Variants in MITD1 observed in about 807,000 individuals in gnomAD.
MITD1 encodes the protein microtubule interacting and trafficking domain containing 1.
Under a neutral mutation model 34.9 loss-of-function variants are expected in MITD1, and 24 were observed. That is an observed-to-expected ratio of 0.69 (90% CI 0.50 to 0.97). MITD1 has a LOEUF of 0.97. Ranked by LOEUF, MITD1 falls within the 50% of genes least tolerant of loss-of-function variation. The pLI is 0.00. For missense variants in MITD1, 266 were observed against 294.6 expected, an observed-to-expected ratio of 0.90 and a Z score of 0.71; for synonymous variants, 102 against 101.4, an observed-to-expected ratio of 1.01 and a Z score of -0.04.
rs2093844453 is a variant in MITD1 at position 99,169,605 on chromosome 2, T to C, written c.599A>G (p.Asn200Ser). 6.3e-7 allele frequency: 1 copy of C among 1,599,750 alleles called. No homozygotes were observed. Among genetic ancestry groups the C allele is most frequent in the Admixed American group, 1.7e-5 (1 of 60,006 alleles). ...TCCAATCTTAATCATCCATCCATTG[T>C]TGAACCTGTTGAAATTAGTATATAG... is the stretch of plus-strand genomic sequence containing the variant. ...SSIHDREIRF[N>S]NGWMIKIGRG... The change falls in exon 6 of 7, where the codon AAC (asparagine) becomes AGC (serine). Residue 200 changes from asparagine to serine, a missense_variant. Asn to Ser is a conservative substitution (Grantham distance 46, BLOSUM62 1). Coordinates refer to ENST00000289359, the MANE Select transcript of MITD1 (RefSeq NM_138798.3).
chr2:99,163,372 G>A (rs568649709), intron 7 of MITD1, among the ~76,000 whole-genome samples: 1 of 151,882 alleles, frequency 6.6e-6, no homozygotes, highest in Non-Finnish European at 1.5e-5. Context: ...CTCTCACCCA[G>A]GCTGGAGTGC....
downstream of MITD1, among the ~76,000 whole-genome samples, chr2:99,165,897 G>T (rs1208297043): frequency 6.6e-6 from 1 of 152,184 alleles, no homozygotes; most frequent in Non-Finnish European, 1.5e-5. Context: ...AATTTCTGGG[G>T]TAATGAAGGC....
intron 7 of MITD1, chr2:99,163,061 A>T (rs1370790146): frequency 6.4e-7 from 1 of 1,554,620 alleles, no homozygotes; most frequent in African/African-American, 1.4e-5. Context: ...TCTGTGAAAA[A>T]ATTAAGGGAA....
At chr2:99,179,911 C>T (rs999709172) in intron 1 of MITD1, among the ~76,000 whole-genome samples, 1 of 152,100 alleles carries the variant, frequency 6.6e-6, no homozygotes, top group Non-Finnish European at 1.5e-5. Flanking sequence ...AAAGGGCTCC[C>T]CTCTGCTGCC....
intron 2 of MITD1, 129 bp from the exon 3 acceptor site, chr2:99,171,775 T>TTTGC: frequency 2.4e-6 from 2 of 823,054 alleles, no homozygotes; most frequent in Non-Finnish European, 3.8e-6. Flanking sequence ...CAAATACTTA[T>TTTGC]TGAATGCCTA....
intron 7 of MITD1, chr2:99,162,669 T>C: frequency 3.1e-6 from 5 of 1,614,108 alleles, no homozygotes; most frequent in Non-Finnish European, 4.2e-6. Flanking sequence ...GTATGCTGCT[T>C]ATCATCAAAT....
downstream of MITD1, among the ~76,000 whole-genome samples, chr2:99,164,850 C>T (rs1291777521): frequency 7.0e-6 from 1 of 142,808 alleles, no homozygotes; most frequent in African/African-American, 2.5e-5. Flanking sequence ...CCATGTTTCT[C>T]CAGAGAGAGG....
chr2:99,166,858 A>AATATATATATATATATATATAT (rs10584187), downstream of MITD1, among the ~76,000 whole-genome samples: 24 of 115,394 alleles, frequency 2.1e-4, no homozygotes, highest in South Asian at 2.8e-4. Flanking sequence ...TGGGGTTTTA[A>AATATATATATATATATATATAT]ATATATATAT....
chr2:99,180,002 G>C (rs971757253), intron 1 of MITD1, among the ~76,000 whole-genome samples: 1 of 152,106 alleles, frequency 6.6e-6, no homozygotes, highest in Non-Finnish European at 1.5e-5. Context: ...CGGGAGTGTC[G>C]GGGGTTGGGG....
At chr2:99,176,537 G>C (rs1258449445) in intron 1 of MITD1, among the ~76,000 whole-genome samples, 2 of 151,894 alleles carry the variant, frequency 1.3e-5, no homozygotes, top group Non-Finnish European at 2.9e-5. Context: ...ATGTTGGTCA[G>C]GCTGGTCTTG....
intron 1 of MITD1, among the ~76,000 whole-genome samples, chr2:99,179,131 C>G (rs867293993): frequency 3.3e-5 from 5 of 152,176 alleles, no homozygotes; most frequent in African/African-American, 7.2e-5. Flanking sequence ...TGGTCTTAAC[C>G]CATCTATGTG....
intron 7 of MITD1, chr2:99,162,820 T>C (rs770520147): frequency 6.2e-7 from 1 of 1,613,974 alleles, no homozygotes; most frequent in Non-Finnish European, 8.5e-7. Context: ...TTTCATGTGT[T>C]ATATGAACAG....
At chr2:99,174,295 C>T (rs1168714056) in intron 1 of MITD1, among the ~76,000 whole-genome samples, 1 of 152,174 alleles carries the variant, frequency 6.6e-6, no homozygotes, top group Non-Finnish European at 1.5e-5. Context: ...TGGCTCATTA[C>T]ATGTCAAACT....
At chr2:99,176,574 G>A (rs1037531762) in intron 1 of MITD1, among the ~76,000 whole-genome samples, 6 of 151,980 alleles carry the variant, frequency 3.9e-5, no homozygotes, top group African/African-American at 7.3e-5. Flanking sequence ...CAATCCACCC[G>A]CCTGGGGCTC....
chr2:99,161,835 C>G (rs1304794047), downstream of MITD1: 1 of 810,566 alleles, frequency 1.2e-6, no homozygotes, highest in Non-Finnish European at 1.9e-6. Context: ...AGCTAAAAGC[C>G]AAAAGCAACT....
intron 1 of MITD1, among the ~76,000 whole-genome samples, chr2:99,175,240 T>C (rs1208708916): frequency 6.6e-6 from 1 of 152,194 alleles, no homozygotes; most frequent in Non-Finnish European, 1.5e-5. Flanking sequence ...TTTCACCAAT[T>C]TTCCCACTAA....
At chr2:99,165,849 G>C (rs2093824438), downstream of MITD1, among the ~76,000 whole-genome samples, 1 of 152,180 alleles carries the variant, frequency 6.6e-6, no homozygotes, top group South Asian at 2.1e-4. Context: ...CATCTGGAAT[G>C]ATGAGAACCC....
At chr2:99,178,255 A>G (rs1373223537) in intron 1 of MITD1, 1 of 152,112 alleles carries the variant, frequency 6.6e-6, no homozygotes, top group Non-Finnish European at 1.5e-5. Flanking sequence ...TTTTTGAGGA[A>G]TCTCCATACT....
Position 99,180,697 on chromosome 2 carries a change from A to G in MITD1, c.151+134T>C, listed in dbSNP as rs542499699. 3.0e-5 allele frequency: 23 copies of G among 774,824 alleles called. No individual in the cohort carries two copies. In the East Asian group the frequency reaches 4.2e-4, roughly 14 times the overall value. The allele number at this position is 774,824 out of a possible 1,614,324, so 48.0% of individuals were successfully genotyped here. ...AGAAAGCGGCCCAGTTGTCCTATAGAATATCCCACCTTCTGTATTTAACTG... is the reference window on the plus strand; with the variant it reads ...AGAAAGCGGCCCAGTTGTCCTATAGGATATCCCACCTTCTGTATTTAACTG... On this transcript the variant is annotated intron_variant, in intron 1 of 6. Coordinates refer to ENST00000289359, the MANE Select transcript of MITD1 (RefSeq NM_138798.3).
Sources: allele counts gnomAD v4.1 joint callset (sites outside exome capture counted in the v4.1 genomes callset), GRCh38; gene constraint gnomAD v4.1.1; transcripts MANE v1.5; gene names NCBI Gene and HGNC (gene_info 2026-07-23, HGNC 2026-07-21).